The following RASAL2 variants were observed in gnomAD, a reference collection of about 807,000 sequenced individuals.
RASAL2 encodes ras GTPase-activating protein nGAP.
RASAL2 carries 58 observed loss-of-function variants against 128.9 expected under a neutral mutation model. The ratio of observed to expected loss-of-function variants is 0.45; its 90% CI spans 0.36 to 0.56. RASAL2 has a LOEUF of 0.56. RASAL2 is among the 20% of genes least tolerant of loss of function. The pLI is 0.00. For synonymous variants in RASAL2, 561 were observed against 580.8 expected, an observed-to-expected ratio of 0.97 and a Z score of 0.49; for missense variants, 1,360 against 1,601.6, an observed-to-expected ratio of 0.85 and a Z score of 2.57.
chr1:178,120,809 C>T (rs1383017182), intron 1 of RASAL2, among the ~76,000 whole-genome samples: 3 of 152,246 alleles, frequency 2.0e-5, no homozygotes, highest in Admixed American at 6.5e-5. Context: ...CTTGCATGCT[C>T]AGTTCACAGT....
Position 178,367,777 on chromosome 1 carries a change from G to A in RASAL2, c.458-22323G>A, listed in dbSNP as rs952330456. Among the ~76,000 whole-genome samples, 3 of 152,250 alleles carry A rather than the reference G, an allele frequency of 2.0e-5. No homozygotes were observed. In the East Asian group the frequency reaches 5.8e-4, roughly 29 times the overall value. On this transcript the variant is annotated intron_variant, in intron 3 of 17. Coordinates refer to ENST00000367649, the MANE Select transcript of RASAL2 (RefSeq NM_170692.4). ...TTCTGTCTTGAAAGCAAAATAATAA[G>A]ACAATTATTCAGTTATTAAAATGGA...
intron 3 of RASAL2, among the ~76,000 whole-genome samples, chr1:178,378,956 A>G (rs1414197709): frequency 6.6e-6 from 1 of 152,166 alleles, no homozygotes; most frequent in Non-Finnish European, 1.5e-5. Flanking sequence ...AACAGAATCA[A>G]TAAAGCCAAG....
intron 3 of RASAL2, among the ~76,000 whole-genome samples, chr1:178,303,027 A>G (rs1461514066): frequency 6.6e-6 from 1 of 152,180 alleles, no homozygotes; most frequent in African/African-American, 2.4e-5. Context: ...AAAAAAAAAC[A>G]AAGTATAATA....
At chr1:178,208,980 A>AT (rs967832936) in intron 1 of RASAL2, among the ~76,000 whole-genome samples, 13 of 149,052 alleles carry the variant, frequency 8.7e-5, no homozygotes, top group Middle Eastern at 3.4e-3. Context: ...GGGAAAAAAG[A>AT]TTTTTTTTTT....
intron 3 of RASAL2, among the ~76,000 whole-genome samples, chr1:178,331,732 G>A (rs556928147): frequency 1.3e-4 from 20 of 151,708 alleles, no homozygotes; most frequent in Non-Finnish European, 2.1e-4. Flanking sequence ...GATTATGGGC[G>A]CCCACCACCA....
In RASAL2 at chr1:178,402,568, A is replaced by T. The variant is rs76280127; in HGVS notation, c.564+12362A>T. Among the ~76,000 whole-genome samples the T allele has an allele frequency of 2.3e-4, 35 of 152,276 alleles. No individual in the cohort carries two copies. In the East Asian group the frequency reaches 6.6e-3, roughly 29 times the overall value. ...ATAAGTCTAATACAATCTTTTCAGT[A>T]ATGTATTTCCCCACTTCTTTCCCCC... On this transcript the variant is annotated intron_variant, in intron 4 of 17. Coordinates refer to ENST00000367649, the MANE Select transcript of RASAL2 (RefSeq NM_170692.4).
At chr1:178,395,777 A>ATG (rs1329251722) in intron 4 of RASAL2, among the ~76,000 whole-genome samples, 7 of 146,260 alleles carry the variant, frequency 4.8e-5, no homozygotes, top group Admixed American at 2.0e-4. Context: ...AACAGTATAT[A>ATG]TATATATATA....
rs1300142703 is a variant in RASAL2 at position 178,094,483 on chromosome 1, T to G, written c.-10T>G. ...GCCGCCGCCTCGTCCCCCTCCCGCCTCGGGGCACCATGGAGCTCTCTCCGT... is the reference window on the plus strand; with the variant it reads ...GCCGCCGCCTCGTCCCCCTCCCGCCGCGGGGCACCATGGAGCTCTCTCCGT... On this transcript the variant is annotated 5_prime_UTR_variant, in exon 1 of 18. Transcript: ENST00000367649. 1 of 1,542,538 alleles carries G rather than the reference T, an allele frequency of 6.5e-7. No homozygotes were observed. The highest frequency in any genetic ancestry group is 1.4e-5 in the African/African-American group (1 of 72,858).
At position 178,413,022 on chromosome 1, in the gene RASAL2, T is replaced by TTTCC. The variant is rs148913731; in HGVS notation, c.565-7472_565-7469dup. ...TCTTTCTTTCTTTCTTTTCTCTTTC[T>TTTCC]TTCCTTCCTTCCTTCCTTCCGTCTG... On this transcript the variant is annotated intron_variant, in intron 4 of 17. Coordinates refer to ENST00000367649, the MANE Select transcript of RASAL2 (RefSeq NM_170692.4). Among the ~76,000 whole-genome samples, 250 of 152,080 alleles carry TTTCC rather than the reference T, an allele frequency of 1.6e-3. 1 individual carries two copies. Among genetic ancestry groups the TTTCC allele is most frequent in the African/African-American group, 5.2e-3 (215 of 41,466 alleles).
At chr1:178,431,046 A>G (rs1675859973) in intron 5 of RASAL2, among the ~76,000 whole-genome samples, 1 of 151,788 alleles carries the variant, frequency 6.6e-6, no homozygotes, top group Non-Finnish European at 1.5e-5. Context: ...TCCGTACTGT[A>G]CTCTTTTCAT....
chr1:178,431,841 G>T (rs1021295389), intron 5 of RASAL2, among the ~76,000 whole-genome samples: 4 of 149,712 alleles, frequency 2.7e-5, no homozygotes, highest in Non-Finnish European at 5.9e-5. Context: ...TGTATATATA[G>T]ACATATATGT....
intron 3 of RASAL2, among the ~76,000 whole-genome samples, chr1:178,338,474 T>C (rs1669705088): frequency 6.6e-6 from 1 of 152,178 alleles, no homozygotes; most frequent in African/African-American, 2.4e-5. Flanking sequence ...ATTGTATACC[T>C]GAACCAAAGT....
chr1:178,294,574 C>T (rs1667411448), intron 2 of RASAL2, among the ~76,000 whole-genome samples: 1 of 152,116 alleles, frequency 6.6e-6, no homozygotes, highest in South Asian at 2.1e-4. Flanking sequence ...CTGTAAACAA[C>T]AAAAAATAGG....
intron 3 of RASAL2, among the ~76,000 whole-genome samples, chr1:178,311,678 C>T (rs1362800411): frequency 6.6e-6 from 1 of 152,148 alleles, no homozygotes; most frequent in East Asian, 1.9e-4. Context: ...TTTCTTCTCT[C>T]ACTTGCCTTT....
At chr1:178,399,176 C>G (rs144082928) in intron 4 of RASAL2, among the ~76,000 whole-genome samples, 1 of 152,190 alleles carries the variant, frequency 6.6e-6, no homozygotes, top group Non-Finnish European at 1.5e-5. Context: ...ATTCAGCCTC[C>G]CTCTCTCTTC....
At chr1:178,341,187 T>C (rs1203408032) in intron 3 of RASAL2, among the ~76,000 whole-genome samples, 1 of 152,200 alleles carries the variant, frequency 6.6e-6, no homozygotes, top group Non-Finnish European at 1.5e-5. Flanking sequence ...TTTAGACTGC[T>C]TTTGAAAAAA....
At chr1:178,399,321 A>G (rs1295470335) in intron 4 of RASAL2, among the ~76,000 whole-genome samples, 1 of 149,578 alleles carries the variant, frequency 6.7e-6, no homozygotes, top group East Asian at 2.0e-4. Context: ...CCTGCCTGTC[A>G]TCTCCAGGGA....
At chr1:178,456,203 C>T (rs777582822) in intron 12 of RASAL2, among the ~76,000 whole-genome samples, 1 of 152,198 alleles carries the variant, frequency 6.6e-6, no homozygotes, top group Non-Finnish European at 1.5e-5. Context: ...GTGTGCCCTG[C>T]AGTACTCTGG....
At chr1:178,462,130 G>A (rs1269440143) in intron 14 of RASAL2, among the ~76,000 whole-genome samples, 1 of 152,124 alleles carries the variant, frequency 6.6e-6, no homozygotes, top group Non-Finnish European at 1.5e-5. Flanking sequence ...AAGCAAGATG[G>A]AATCTGAACC....
Sources: allele counts gnomAD v4.1 joint callset (sites outside exome capture counted in the v4.1 genomes callset), GRCh38; gene constraint gnomAD v4.1.1; transcripts MANE v1.5; gene names NCBI Gene and HGNC (gene_info 2026-07-23, HGNC 2026-07-21).